The following SPECC1 variants were observed in gnomAD, a reference collection of about 807,000 sequenced individuals.
SPECC1 encodes sperm antigen with calponin homology and coiled-coil domains 1.
Under a neutral mutation model 104.1 loss-of-function variants are expected in SPECC1, and 62 were observed. That is an observed-to-expected ratio of 0.60 (90% CI 0.49 to 0.74). The LOEUF is 0.74. SPECC1 is among the 30% of genes least tolerant of loss of function. The pLI, the probability that SPECC1 is intolerant of heterozygous loss-of-function variation, is 0.00. For synonymous variants in SPECC1, 513 were observed against 501.6 expected (o/e 1.02, Z -0.30); for missense variants, 1,306 against 1,310.5 (o/e 1.00, Z 0.05).
At chr17:20,092,329 A>T (rs1348756485) in intron 1 of SPECC1, among the ~76,000 whole-genome samples, 1 of 129,696 alleles carries the variant, frequency 7.7e-6, no homozygotes, top group African/African-American at 2.9e-5. Context: ...CCTTCTTTTC[A>T]CTGTCTTGTA....
At chr17:20,275,918 C>G (rs183300042) in intron 12 of SPECC1, among the ~76,000 whole-genome samples, 64 of 151,830 alleles carry the variant, frequency 4.2e-4, no homozygotes, top group Non-Finnish European at 7.8e-4. Flanking sequence ...AGATTATGTT[C>G]CAGATATTTT....
rs188725397 is a variant in SPECC1 at position 20,205,321 on chromosome 17, A to C, written c.1272A>C (p.Thr424=). The C allele has an allele frequency of 1.2e-6, 2 of 1,614,264 alleles. No homozygotes were observed. The highest frequency in any genetic ancestry group is 1.3e-5 in the African/African-American group (1 of 75,076). Residue 424 remains threonine (T), a synonymous_variant, in exon 4 of 15, where the codon ACA becomes ACC. Transcript: ENST00000395527. ...TGGATGAAAAGACGATTTTAGAGAC[A>C]TCCTTTCATCAGCATCGAGAGAGGG... is the stretch of plus-strand genomic sequence containing the variant. ...KLVDEKTILE[T]SFHQHRERAE... is the part of the protein sequence containing the mutation.
At chr17:20,049,429 G>A (rs1305412410) in intron 1 of SPECC1, among the ~76,000 whole-genome samples, 1 of 152,128 alleles carries the variant, frequency 6.6e-6, no homozygotes, top group Non-Finnish European at 1.5e-5. Flanking sequence ...AAATAAATAA[G>A]TAAAAGTCAG....
rs992368005 is a variant in SPECC1 at position 20,051,331 on chromosome 17, A to G, written c.-22+41907A>G. 1.2e-4 allele frequency among the ~76,000 whole-genome samples: 18 copies of G among 151,930 alleles called. No homozygotes were observed. The South Asian group carries it at 2.1e-3, about 18-fold the overall frequency. On this transcript the variant is annotated intron_variant, in intron 1 of 14. Transcript: ENST00000395527. Reference sequence around the variant, plus strand: ...GCTGGGGTTACAGGGACCTGCCACCATGCCTGGATAATTTCTGTATTTTTA... The same window carrying G: ...GCTGGGGTTACAGGGACCTGCCACCGTGCCTGGATAATTTCTGTATTTTTA...
chr17:20,134,817 T>C (rs2049839228), intron 3 of SPECC1, among the ~76,000 whole-genome samples: 1 of 152,112 alleles, frequency 6.6e-6, no homozygotes, highest in Non-Finnish European at 1.5e-5. Context: ...CTTGGTCAGG[T>C]TCCAGTATCC....
chr17:20,218,988 C>A (rs2037690307), intron 4 of SPECC1, among the ~76,000 whole-genome samples: 1 of 152,116 alleles, frequency 6.6e-6, no homozygotes, highest in Admixed American at 6.6e-5. Flanking sequence ...GGATCTCATT[C>A]TTTTTTATGG....
At chr17:20,224,277 T>C (rs1267131575) in intron 4 of SPECC1, among the ~76,000 whole-genome samples, 1 of 152,226 alleles carries the variant, frequency 6.6e-6, no homozygotes, top group Non-Finnish European at 1.5e-5. Flanking sequence ...CTACTGGGAC[T>C]GTGCTGGGTC....
At chr17:20,274,262 C>CT (rs1222650432) in intron 12 of SPECC1, among the ~76,000 whole-genome samples, 6 of 152,280 alleles carry the variant, frequency 3.9e-5, no homozygotes, top group African/African-American at 1.4e-4. Context: ...CTGTTCCCTT[C>CT]TGTGCCTCTG....
At chr17:20,096,558 G>A (rs1393349458) in intron 1 of SPECC1, 73 bp from the exon 2 acceptor site, 9 of 1,484,378 alleles carry the variant, frequency 6.1e-6, no homozygotes, top group Non-Finnish European at 8.3e-6. Flanking sequence ...GGTATGTGGG[G>A]TGTAAAGTGT....
intron 3 of SPECC1, among the ~76,000 whole-genome samples, chr17:20,131,800 C>T (rs2049652462): frequency 1.3e-5 from 2 of 152,016 alleles, no homozygotes; most frequent in South Asian, 2.1e-4. Flanking sequence ...CAGGTGCGCA[C>T]CACCACGCCT....
intron 12 of SPECC1, among the ~76,000 whole-genome samples, chr17:20,270,465 A>G (rs909162919): frequency 8.3e-6 from 1 of 120,368 alleles, no homozygotes; most frequent in East Asian, 2.8e-4. Flanking sequence ...AAAAAAAAAA[A>G]AACATTAGCC....
At position 20,110,549 on chromosome 17, in the gene SPECC1, G is replaced by A; in HGVS notation, c.270G>A (p.Leu90=). The change falls in exon 3 of 15, where the codon CTG becomes CTA. Residue 90 remains leucine (L), a synonymous_variant. Coordinates refer to ENST00000395527, the MANE Select transcript of SPECC1 (RefSeq NM_001243439.2). ...GAISELTESR[L]RSGTGAFTTT... ...TCTCGGAGCTCACGGAGAGCCGCCT[G>A]AGGAGCGGCACAGGTAGGAGGGACC... The A allele has an allele frequency of 1.9e-6, 3 of 1,613,320 alleles. No homozygotes were observed. The highest frequency in any genetic ancestry group is 1.1e-5 in the South Asian group (1 of 91,006).
At chr17:20,291,262 C>T (rs2041153882) in intron 12 of SPECC1, among the ~76,000 whole-genome samples, 1 of 152,228 alleles carries the variant, frequency 6.6e-6, no homozygotes, top group Non-Finnish European at 1.5e-5. Flanking sequence ...CTCCCACCCT[C>T]AGCCTTTCCT....
intron 2 of SPECC1, among the ~76,000 whole-genome samples, chr17:20,100,683 A>G (rs1460683870): frequency 6.6e-6 from 1 of 152,214 alleles, no homozygotes; most frequent in East Asian, 1.9e-4. Flanking sequence ...GTTCTGGGAT[A>G]CATGTGCAGA....
chr17:20,105,645 C>T (rs989234987), intron 2 of SPECC1, among the ~76,000 whole-genome samples: 13 of 152,226 alleles, frequency 8.5e-5, no homozygotes, highest in Non-Finnish European at 1.6e-4. Flanking sequence ...TGCTTTCCCC[C>T]CGGTCACTGC....
chr17:20,047,450 A>G (rs1238376953), intron 1 of SPECC1, among the ~76,000 whole-genome samples: 3 of 152,114 alleles, frequency 2.0e-5, no homozygotes, highest in Non-Finnish European at 4.4e-5. Flanking sequence ...TTTTCTTGGC[A>G]TATGCTAAAC....
chr17:20,274,129 G>T (rs2040498168), intron 12 of SPECC1, among the ~76,000 whole-genome samples: 1 of 152,186 alleles, frequency 6.6e-6, no homozygotes, highest in Non-Finnish European at 1.5e-5. Context: ...GTGTTTGTTA[G>T]GTCAAGTTTT....
intron 1 of SPECC1, among the ~76,000 whole-genome samples, chr17:20,040,176 TAC>T (rs986730370): frequency 1.3e-5 from 2 of 151,914 alleles, no homozygotes; most frequent in Non-Finnish European, 2.9e-5. Context: ...CACACACATA[TAC>T]ACACATATAT....
At chr17:20,266,234 T>G (rs755464982) in intron 12 of SPECC1, among the ~76,000 whole-genome samples, 24 of 152,346 alleles carry the variant, frequency 1.6e-4, no homozygotes, top group Admixed American at 2.6e-4. Flanking sequence ...TTTATTTGTG[T>G]CATAGCTGGT....
Sources: gnomAD v4.1 joint callset for allele counts (sites outside exome capture counted in the v4.1 genomes callset) on GRCh38, gnomAD v4.1.1 for gene constraint, MANE v1.5 for transcripts, NCBI Gene and HGNC (gene_info 2026-07-23, HGNC 2026-07-21) for gene names.